Variants in RAD51B observed in about 807,000 individuals in gnomAD.
RAD51B encodes DNA repair protein RAD51 homolog 2.
RAD51B carries 38 observed loss-of-function variants against 42.2 expected under a neutral mutation model. The ratio of observed to expected loss-of-function variants is 0.90; its 90% CI spans 0.70 to 1.18. The LOEUF (loss-of-function observed/expected upper bound fraction) is 1.18. Ranked by LOEUF, RAD51B falls within the 50% of genes most tolerant of loss-of-function variation. The pLI is 0.00. For synonymous variants in RAD51B, 154 were observed against 145.2 expected (o/e 1.06, Z -0.43); for missense variants, 373 against 400.7 (o/e 0.93, Z 0.59).
intron 10 of RAD51B, among the ~76,000 whole-genome samples, chr14:68,523,327 G>A (rs1027805423): frequency 4.6e-5 from 7 of 152,218 alleles, no homozygotes; most frequent in Admixed American, 6.5e-5. Flanking sequence ...GCCACAAGGC[G>A]CAGAGTGGAA....
At chr14:68,459,081 C>T (rs1024964196) in intron 9 of RAD51B, among the ~76,000 whole-genome samples, 8 of 152,152 alleles carry the variant, frequency 5.3e-5, no homozygotes, top group Admixed American at 3.3e-4. Context: ...CTCCAGCTCT[C>T]GCAACACAAT....
chr14:68,248,836 G>A (rs576703345), intron 7 of RAD51B, among the ~76,000 whole-genome samples: 51 of 152,342 alleles, frequency 3.3e-4, no homozygotes, highest in African/African-American at 1.2e-3. Flanking sequence ...ATTGCACTCT[G>A]CTAGCAGAGG....
intron 10 of RAD51B, chr14:68,627,384 G>A (rs930629547): frequency 6.6e-6 from 1 of 152,206 alleles, no homozygotes; most frequent in Non-Finnish European, 1.5e-5. Flanking sequence ...AAATTCCTCA[G>A]ATGTGTGTCC....
intron 7 of RAD51B, among the ~76,000 whole-genome samples, chr14:68,006,317 T>C (rs970795499): frequency 6.6e-6 from 1 of 152,238 alleles, no homozygotes; most frequent in African/African-American, 2.4e-5. Context: ...ATATTTTTAT[T>C]AGTTACTCAG....
chr14:67,916,548 A>G (rs1222513601), intron 7 of RAD51B, among the ~76,000 whole-genome samples: 2 of 147,500 alleles, frequency 1.4e-5, no homozygotes, highest in Non-Finnish European at 3.0e-5. Flanking sequence ...TGACAGTAAT[A>G]TTTTTTTTTT....
At chr14:68,366,774 C>T (rs1176815665) in intron 8 of RAD51B, among the ~76,000 whole-genome samples, 6 of 152,182 alleles carry the variant, frequency 3.9e-5, no homozygotes, top group Admixed American at 6.5e-5. Flanking sequence ...TTATGTTGCT[C>T]GCATTAGTGG....
At chr14:68,643,134 A>G (rs1892496324) in intron 10 of RAD51B, among the ~76,000 whole-genome samples, 1 of 104,874 alleles carries the variant, frequency 9.5e-6, no homozygotes, top group South Asian at 2.5e-4. Context: ...TAGTGGATTC[A>G]TCTGTTTCTC....
chr14:67,829,574 T>TG (rs11378787), intron 3 of RAD51B, among the ~76,000 whole-genome samples: 49,181 of 151,984 alleles, frequency 0.32, 8,303 homozygotes, highest in Middle Eastern at 0.44. Context: ...CAATTGTGAA[T>TG]GGAGTTCATT....
rs79689622 is a variant in RAD51B, at chr14:68,260,363, A to T, written c.757-31521A>T. On this transcript the variant is annotated intron_variant, in intron 7 of 10. Transcript: ENST00000471583. ...GGGTAGAGATAGTAGGGGAGTAATT[A>T]CCTCACAAGTTTCATGGCTGACACC... Among the ~76,000 whole-genome samples the T allele has an allele frequency of 4.7e-3, 520 of 110,918 alleles. 12 individuals are homozygous for T. Among genetic ancestry groups the T allele is most frequent in the East Asian group, 0.046 (155 of 3,338 alleles). 72.8% of individuals were successfully genotyped at this position (110,918 alleles called of 152,430 possible).
intron 7 of RAD51B, among the ~76,000 whole-genome samples, chr14:67,922,098 A>G (rs2044345858): frequency 6.6e-6 from 1 of 152,194 alleles, no homozygotes; most frequent in African/African-American, 2.4e-5. Context: ...TCTTGCAGAT[A>G]TCTTCACCTT....
At chr14:68,416,158 T>TTTGCATCTTAGAAGTA (rs961193804) in intron 9 of RAD51B, among the ~76,000 whole-genome samples, 6 of 152,206 alleles carry the variant, frequency 3.9e-5, no homozygotes, top group African/African-American at 1.2e-4. Flanking sequence ...AAGTCCTAGT[T>TTTGCATCTTAGAAGTA]TTGCATCTTA....
chr14:68,639,135 A>T (rs1892403330), intron 10 of RAD51B, among the ~76,000 whole-genome samples: 1 of 152,204 alleles, frequency 6.6e-6, no homozygotes, highest in South Asian at 2.1e-4. Context: ...AAAGGTCAGC[A>T]AGGGGTCTGA....
intron 7 of RAD51B, among the ~76,000 whole-genome samples, chr14:68,114,988 G>A (rs1056235654): frequency 4.7e-5 from 7 of 149,734 alleles, no homozygotes; most frequent in African/African-American, 1.3e-4. Context: ...TCAGTGTGGC[G>A]ATTCCTCAGG....
chr14:68,054,712 T>C (rs539931870), intron 7 of RAD51B, among the ~76,000 whole-genome samples: 2 of 152,378 alleles, frequency 1.3e-5, no homozygotes, highest in South Asian at 2.1e-4. Flanking sequence ...GGACATATAG[T>C]GTAAATACTA....
At chr14:68,377,470 C>A (rs1160564116) in intron 8 of RAD51B, among the ~76,000 whole-genome samples, 3 of 152,172 alleles carry the variant, frequency 2.0e-5, no homozygotes, top group Admixed American at 1.3e-4. Context: ...CCAGTGTTTT[C>A]CACCCAGTGT....
intron 7 of RAD51B, among the ~76,000 whole-genome samples, chr14:68,153,364 T>C (rs75961429): frequency 6.2e-4 from 95 of 152,330 alleles, no homozygotes; most frequent in African/African-American, 2.2e-3. Context: ...TTTGTACACA[T>C]TGATTTACTG....
At chr14:67,965,441 C>T (rs1437013828) in intron 7 of RAD51B, among the ~76,000 whole-genome samples, 3 of 152,082 alleles carry the variant, frequency 2.0e-5, no homozygotes, top group Non-Finnish European at 4.4e-5. Context: ...ATTTTCTAAT[C>T]CATCCTCCAT....
chr14:68,424,955 T>G (rs1389355522), intron 9 of RAD51B, among the ~76,000 whole-genome samples: 1 of 151,996 alleles, frequency 6.6e-6, no homozygotes, highest in Non-Finnish European at 1.5e-5. Flanking sequence ...TAAAATTTTA[T>G]GTAGAGATGG....
At chr14:68,427,246 G>A (rs1299703874) in intron 9 of RAD51B, among the ~76,000 whole-genome samples, 1 of 152,226 alleles carries the variant, frequency 6.6e-6, no homozygotes, top group Non-Finnish European at 1.5e-5. Flanking sequence ...AGCTGCCACA[G>A]GGAGTCCCCT....
Sources: allele counts gnomAD v4.1 joint callset (sites outside exome capture counted in the v4.1 genomes callset), GRCh38; gene constraint gnomAD v4.1.1; transcripts MANE v1.5; gene names NCBI Gene and HGNC (gene_info 2026-07-23, HGNC 2026-07-21).